Variants in RERE observed in about 807,000 individuals in gnomAD.
RERE encodes arginine-glutamic acid dipeptide repeats.
In RERE, 40 loss-of-function variants were observed where a neutral mutation model predicts 146.1. The ratio of observed to expected loss-of-function variants is 0.27; its 90% CI spans 0.21 to 0.36. RERE has a LOEUF of 0.36. RERE is among the 10% of genes least tolerant of loss of function. RERE has a pLI of 1.00. For missense variants in RERE, 1,933 were observed against 2,138.7 expected (o/e 0.90, Z 1.90); for synonymous variants, 1,003 against 866.0 (o/e 1.16, Z -2.78).
intron 1 of RERE, among the ~76,000 whole-genome samples, chr1:8,773,551 C>T (rs900957130): frequency 6.6e-6 from 1 of 152,036 alleles, no homozygotes; most frequent in Admixed American, 6.6e-5. Context: ...ATTAGCTGGG[C>T]ACGGTAGCTC....
rs1473128288 is a variant in RERE at position 8,423,447 on chromosome 1, AT to A, written c.1204-641del. 1 of 748,006 alleles carries A rather than the reference AT, an allele frequency of 1.3e-6. No homozygotes were observed. Among genetic ancestry groups the A allele is most frequent in the Admixed American group, 6.3e-5 (1 of 15,848 alleles). 46.3% of individuals were successfully genotyped at this position (748,006 alleles called of 1,614,324 possible). ...CCGACGCCACTCGCCGCCCCCATCC[AT>A]TTTCGCAGCAGACTCGTCCCTAACC... On this transcript the variant is annotated intron_variant, in intron 11 of 22. Coordinates refer to ENST00000400908, the MANE Select transcript of RERE (RefSeq NM_001042681.2). The surrounding 1 kb of genome is among the most constrained non-coding windows in gnomAD (Gnocchi z 5.4).
intron 10 of RERE, among the ~76,000 whole-genome samples, chr1:8,481,955 A>G (rs1175076590): frequency 6.6e-6 from 1 of 152,186 alleles, no homozygotes; most frequent in African/African-American, 2.4e-5. Context: ...TGCTTAGTGC[A>G]GGTGCCACAT....
intron 1 of RERE, among the ~76,000 whole-genome samples, chr1:8,757,400 T>A (rs1302915056): frequency 6.6e-6 from 1 of 152,206 alleles, no homozygotes; most frequent in Admixed American, 6.5e-5. Context: ...ACTAAATGAA[T>A]GAACCACATG....
At chr1:8,528,857 G>T (rs1284719383) in intron 7 of RERE, among the ~76,000 whole-genome samples, 1 of 151,974 alleles carries the variant, frequency 6.6e-6, no homozygotes, top group Non-Finnish European at 1.5e-5. Flanking sequence ...AGAGATAGAG[G>T]TTATCTCATA....
At chr1:8,694,708 A>T (rs1639283626) in intron 1 of RERE, among the ~76,000 whole-genome samples, 1 of 152,088 alleles carries the variant, frequency 6.6e-6, no homozygotes, top group Non-Finnish European at 1.5e-5. Context: ...GAAATGAGCC[A>T]AGATCATACC....
chr1:8,790,409 T>C (rs532831617), intron 1 of RERE, among the ~76,000 whole-genome samples: 1 of 152,278 alleles, frequency 6.6e-6, no homozygotes, highest in Non-Finnish European at 1.5e-5. Flanking sequence ...ATTTGATAAA[T>C]GAATAGATTT....
At chr1:8,719,367 A>C (rs1639820032) in intron 1 of RERE, among the ~76,000 whole-genome samples, 1 of 152,156 alleles carries the variant, frequency 6.6e-6, no homozygotes, top group Non-Finnish European at 1.5e-5. Flanking sequence ...AAAGTAATCC[A>C]CCCCTAAATG....
chr1:8,639,767 C>A (rs931921598), intron 2 of RERE, among the ~76,000 whole-genome samples: 2 of 152,056 alleles, frequency 1.3e-5, no homozygotes, highest in Non-Finnish European at 2.9e-5. Context: ...TTTCCCTCTA[C>A]TAAAAAGGAA....
intron 11 of RERE, among the ~76,000 whole-genome samples, chr1:8,435,427 A>C (rs1644156405): frequency 6.6e-6 from 1 of 152,160 alleles, no homozygotes; most frequent in Non-Finnish European, 1.5e-5. Context: ...AGGCTATTTG[A>C]CCTCTCATCA....
intron 1 of RERE, among the ~76,000 whole-genome samples, chr1:8,665,425 TCTTC>T (rs924884320): frequency 6.6e-6 from 1 of 152,210 alleles, no homozygotes; most frequent in African/African-American, 2.4e-5. Context: ...AATTATTTCT[TCTTC>T]CTTCCCACCC....
At chr1:8,630,349 TA>T (rs1647020618) in intron 2 of RERE, among the ~76,000 whole-genome samples, 2 of 151,998 alleles carry the variant, frequency 1.3e-5, no homozygotes, top group South Asian at 4.1e-4. Context: ...CTGTTCTTCA[TA>T]GTAAACACTC....
intron 9 of RERE, among the ~76,000 whole-genome samples, chr1:8,496,690 C>T (rs893846421): frequency 2.6e-5 from 4 of 152,106 alleles, no homozygotes; most frequent in African/African-American, 2.4e-5. Flanking sequence ...CGCTCTGTGC[C>T]GTGTGAGGAG....
chr1:8,656,541 A>G (rs1298786916), intron 1 of RERE, 100 bp from the exon 2 acceptor site: 6 of 496,206 alleles, frequency 1.2e-5, no homozygotes, highest in South Asian at 8.4e-5. Flanking sequence ...CTTTACACCT[A>G]AAAACTTCGC....
At chr1:8,732,891 A>G (rs1267217247) in intron 1 of RERE, among the ~76,000 whole-genome samples, 3 of 128,130 alleles carry the variant, frequency 2.3e-5, no homozygotes, top group Non-Finnish European at 4.6e-5. Context: ...GCGCTATCTC[A>G]GCTCACTGCA....
At chr1:8,801,492 C>G (rs1478032008) in intron 1 of RERE, among the ~76,000 whole-genome samples, 5 of 152,116 alleles carry the variant, frequency 3.3e-5, no homozygotes, top group Non-Finnish European at 7.4e-5. Context: ...TGGTCTTGAA[C>G]TCCCAACCTC....
intron 1 of RERE, among the ~76,000 whole-genome samples, chr1:8,708,031 A>G (rs370173110): frequency 1.4e-4 from 21 of 152,374 alleles, no homozygotes; most frequent in African/African-American, 5.1e-4. Flanking sequence ...GTAGGAAAAT[A>G]GTAAAAACAG....
At chr1:8,710,992 A>G (rs1639655832) in intron 1 of RERE, among the ~76,000 whole-genome samples, 1 of 151,880 alleles carries the variant, frequency 6.6e-6, no homozygotes, top group Non-Finnish European at 1.5e-5. Context: ...CCCCATCTCC[A>G]TTAAAATTAC....
At position 8,626,287 on chromosome 1, in the gene RERE, C is replaced by T. The variant is rs1439754401; in HGVS notation, c.326-1907G>A. On this transcript the variant is annotated intron_variant, in intron 2 of 22. Transcript: ENST00000400908. ...TCCTGTGTTTCAGTCCCTGTTATACCCACTGCCAGCATTTCAGATCTCTAG... is the reference window on the plus strand; with the variant it reads ...TCCTGTGTTTCAGTCCCTGTTATACTCACTGCCAGCATTTCAGATCTCTAG... Among the ~76,000 whole-genome samples the T allele has an allele frequency of 6.6e-5, 10 of 152,118 alleles. No homozygotes were observed. The East Asian group carries it at 1.7e-3, about 26-fold the overall frequency.
chr1:8,735,962 A>G (rs923891739), intron 1 of RERE, among the ~76,000 whole-genome samples: 1 of 152,198 alleles, frequency 6.6e-6, no homozygotes, highest in Non-Finnish European at 1.5e-5. Context: ...TATATTTACC[A>G]TATTCAACCA....
Sources: gnomAD v4.1 joint callset for allele counts (sites outside exome capture counted in the v4.1 genomes callset) on GRCh38, gnomAD v4.1.1 for gene constraint, Gnocchi (gnomAD v3.1) non-coding constraint, MANE v1.5 for transcripts, NCBI Gene and HGNC (gene_info 2026-07-23, HGNC 2026-07-21) for gene names.